ADAM22: variants seen among roughly 807,000 people sequenced by gnomAD.
The protein encoded by ADAM22 is ADAM metallopeptidase domain 22.
ADAM22 carries 65 observed loss-of-function variants against 144.6 expected under a neutral mutation model. The ratio of observed to expected loss-of-function variants is 0.45; its 90% CI spans 0.37 to 0.55. The LOEUF (loss-of-function observed/expected upper bound fraction) is 0.55, where lower values mean the gene tolerates loss of function less well. ADAM22 is among the 20% of genes least tolerant of loss of function. ADAM22 has a pLI of 0.00. For synonymous variants in ADAM22, 391 were observed against 412.6 expected, an observed-to-expected ratio of 0.95 and a Z score of 0.63; for missense variants, 974 against 1,184.9, an observed-to-expected ratio of 0.82 and a Z score of 2.61.
At chr7:87,966,212 A>C (rs771468291) in intron 2 of ADAM22, among the ~76,000 whole-genome samples, 7 of 152,076 alleles carry the variant, frequency 4.6e-5, no homozygotes, top group African/African-American at 1.7e-4. Context: ...AAGAGTATCC[A>C]TTTCCCAGGG....
intron 3 of ADAM22, among the ~76,000 whole-genome samples, chr7:88,039,259 C>T (rs370800110): frequency 1.1e-4 from 16 of 150,768 alleles, no homozygotes; most frequent in African/African-American, 2.2e-4. Context: ...CTGGCTAACA[C>T]GGTGAAACCC....
At chr7:88,045,888 T>TTGTGTGTGTGTGTGTGTG (rs59898382) in intron 3 of ADAM22, among the ~76,000 whole-genome samples, 29 of 134,016 alleles carry the variant, frequency 2.2e-4, no homozygotes, top group Admixed American at 1.2e-3. Flanking sequence ...TCGTATTCTA[T>TTGTGTGTGTGTGTGTGTG]TGTGTGTGTG....
chr7:88,153,123 G>A, intron 20 of ADAM22, 98 bp from the exon 21 acceptor site: 1 of 730,486 alleles, frequency 1.4e-6, no homozygotes, highest in Non-Finnish European at 2.3e-6. Flanking sequence ...ACACTGTAGT[G>A]ATGAAGAGTC....
chr7:88,096,735 A>AT (rs1168732585), intron 4 of ADAM22, among the ~76,000 whole-genome samples: 3 of 152,042 alleles, frequency 2.0e-5, no homozygotes, highest in Non-Finnish European at 4.4e-5. Context: ...GTAACCTGTG[A>AT]TTTTTTAAAA....
intron 4 of ADAM22, 57 bp from the exon 5 acceptor site, chr7:88,108,119 G>A: frequency 7.0e-7 from 1 of 1,437,850 alleles, no homozygotes. Flanking sequence ...CCTGTGAAAT[G>A]AAGCAGCTGA....
chr7:88,088,037 A>G (rs957123475), intron 4 of ADAM22, among the ~76,000 whole-genome samples: 1 of 152,160 alleles, frequency 6.6e-6, no homozygotes, highest in African/African-American at 2.4e-5. Context: ...GGAATTGGAG[A>G]GAGTGCTGTG....
intron 31 of ADAM22, among the ~76,000 whole-genome samples, chr7:88,194,783 C>A (rs1349824566): frequency 6.6e-6 from 1 of 152,162 alleles, no homozygotes; most frequent in Non-Finnish European, 1.5e-5. Flanking sequence ...AGCATCAGTT[C>A]AGATCGTCTT....
At chr7:88,048,423 G>T (rs1405519115) in intron 3 of ADAM22, among the ~76,000 whole-genome samples, 1 of 151,990 alleles carries the variant, frequency 6.6e-6, no homozygotes, top group Non-Finnish European at 1.5e-5. Flanking sequence ...ACTGCATATT[G>T]TCAAACTGCC....
At chr7:88,177,057 G>A (rs1417634986) in intron 26 of ADAM22, among the ~76,000 whole-genome samples, 1 of 152,144 alleles carries the variant, frequency 6.6e-6, no homozygotes, top group African/African-American at 2.4e-5. Flanking sequence ...GAGCCACCAC[G>A]CCCAGCCTGG....
intron 23 of ADAM22, among the ~76,000 whole-genome samples, chr7:88,165,021 G>A (rs561349962): frequency 1.3e-4 from 20 of 152,192 alleles, no homozygotes; most frequent in Admixed American, 1.3e-3. Flanking sequence ...AGATGTGGAT[G>A]TATGTTATGT....
intron 3 of ADAM22, among the ~76,000 whole-genome samples, chr7:88,020,168 C>T (rs1797496155): frequency 1.3e-5 from 2 of 152,090 alleles, no homozygotes; most frequent in Non-Finnish European, 2.9e-5. Context: ...AATGCGCAGG[C>T]ATTGAGTATT....
intron 3 of ADAM22, among the ~76,000 whole-genome samples, chr7:88,042,765 G>A (rs546759761): frequency 2.5e-4 from 38 of 151,748 alleles, no homozygotes; most frequent in Middle Eastern, 3.4e-3. Flanking sequence ...AGGGAGACTC[G>A]ATGATAGCTA....
At chr7:88,031,111 G>A (rs935820591) in intron 3 of ADAM22, among the ~76,000 whole-genome samples, 49 of 140,422 alleles carry the variant, frequency 3.5e-4, no homozygotes, top group Admixed American at 3.1e-3. Flanking sequence ...GCAAGACTCC[G>A]TCTCAAAAAC....
chr7:88,125,698 A>G (rs764737330), intron 8 of ADAM22, 39 bp downstream of exon 8: 6 of 1,461,728 alleles, frequency 4.1e-6, no homozygotes, highest in Non-Finnish European at 5.5e-6. Context: ...ATTTTAAAAC[A>G]ATTGTCAACT....
At chr7:88,064,281 A>G (rs1810627673) in intron 3 of ADAM22, among the ~76,000 whole-genome samples, 1 of 152,214 alleles carries the variant, frequency 6.6e-6, no homozygotes, top group Admixed American at 6.5e-5. Flanking sequence ...GAGTAAAGAT[A>G]CAGGTTGAGG....
intron 17 of ADAM22, 66 bp downstream of exon 17, chr7:88,145,573 G>T (rs893205171): frequency 3.9e-6 from 5 of 1,284,654 alleles, no homozygotes; most frequent in Non-Finnish European, 5.6e-6. Flanking sequence ...ATTAAGGCTG[G>T]GTAAATATAA....
chr7:88,099,598 A>G (rs1288054653), intron 4 of ADAM22, among the ~76,000 whole-genome samples: 1 of 152,194 alleles, frequency 6.6e-6, no homozygotes, highest in East Asian at 1.9e-4. Context: ...GGTTCTAGAT[A>G]CTTATTATAG....
At chr7:88,195,616 C>T (rs542935359) in intron 31 of ADAM22, among the ~76,000 whole-genome samples, 2 of 152,114 alleles carry the variant, frequency 1.3e-5, no homozygotes, top group South Asian at 2.1e-4. Flanking sequence ...CCCGGGTTCA[C>T]GCCATTCTCC....
intron 4 of ADAM22, among the ~76,000 whole-genome samples, chr7:88,099,789 T>C (rs1822418561): frequency 6.6e-6 from 1 of 152,220 alleles, no homozygotes; most frequent in African/African-American, 2.4e-5. Context: ...CTTATACTTT[T>C]ATATTTCATA....
Sources: allele counts gnomAD v4.1 joint callset (sites outside exome capture counted in the v4.1 genomes callset), GRCh38; gene constraint gnomAD v4.1.1; transcripts MANE v1.5; gene names NCBI Gene and HGNC (gene_info 2026-07-23, HGNC 2026-07-21).